Variants in PCDH11Y observed in about 807,000 individuals in gnomAD.
PCDH11Y encodes protocadherin-11 Y-linked.
For missense variants in PCDH11Y, 12 were observed against 224.8 expected (o/e 0.05, Z 6.05); for synonymous variants, 9 against 83.6 (o/e 0.11, Z 4.87).
At chrY:5,445,942 C>A (rs2124682244) in intron 2 of PCDH11Y, among the ~76,000 whole-genome samples, 1 of 33,309 alleles carries the variant, frequency 3.0e-5, no homozygotes, top group South Asian at 6.4e-4. Context: ...ACAAAGCCTT[C>A]TCTGATTAAT....
chrY:5,186,363 G>T, intron 2 of PCDH11Y, among the ~76,000 whole-genome samples: 1 of 27,494 alleles, frequency 3.6e-5, no homozygotes. Context: ...TTACAGTTGG[G>T]TATTAGTCTC....
chrY:5,310,555 G>A, intron 2 of PCDH11Y, among the ~76,000 whole-genome samples: 1 of 33,231 alleles, frequency 3.0e-5, no homozygotes, highest in Non-Finnish European at 7.4e-5. Context: ...ATTCACATTG[G>A]TTGCATGTTG....
At chrY:5,330,376 C>T in intron 2 of PCDH11Y, among the ~76,000 whole-genome samples, 5 of 33,492 alleles carry the variant, frequency 1.5e-4, no homozygotes, top group Admixed American at 1.1e-3. Context: ...CGGGCATATA[C>T]GTGCAGGTCA....
chrY:5,090,315 C>A (rs2052738495), intron 1 of PCDH11Y, among the ~76,000 whole-genome samples: 1 of 32,965 alleles, frequency 3.0e-5, no homozygotes, highest in Admixed American at 2.8e-4. Flanking sequence ...CTTAAAGGAC[C>A]TTTTTACAAG....
intron 2 of PCDH11Y, among the ~76,000 whole-genome samples, chrY:5,210,856 A>C: frequency 3.0e-5 from 1 of 33,488 alleles, no homozygotes; most frequent in African/African-American, 1.2e-4. Context: ...GTTAATAAAG[A>C]TTTAATTGAA....
intron 2 of PCDH11Y, among the ~76,000 whole-genome samples, chrY:5,449,991 C>T: frequency 3.0e-5 from 1 of 33,190 alleles, no homozygotes; most frequent in South Asian, 6.6e-4. Flanking sequence ...ATAGTGATCA[C>T]GATTTGACAG....
intron 2 of PCDH11Y, among the ~76,000 whole-genome samples, chrY:5,434,571 A>G: frequency 3.1e-5 from 1 of 31,816 alleles, no homozygotes; most frequent in Non-Finnish European, 7.6e-5. Flanking sequence ...ACACACACAC[A>G]CAAACACATA....
In PCDH11Y at chrY:5,634,031, A is replaced by G. The variant is rs1259395417; in HGVS notation, c.3352+52233A>G. ...AGATCGAGACCATCCTGGCTAACAC[A>G]GTGAAACCCCGTCTCTACTAAAAAT... On this transcript the variant is annotated intron_variant, in intron 4 of 4. Transcript: ENST00000400457. 1.7e-4 allele frequency among the ~76,000 whole-genome samples: 5 copies of G among 30,119 alleles called. No individual in the cohort carries two copies. In the East Asian group the frequency reaches 4.5e-3, roughly 27 times the overall value. 80.8% of individuals were successfully genotyped at this position (30,119 alleles called of 37,273 possible).
intron 2 of PCDH11Y, among the ~76,000 whole-genome samples, chrY:5,344,332 T>G: frequency 3.0e-5 from 1 of 33,725 alleles, no homozygotes; most frequent in African/African-American, 1.2e-4. Flanking sequence ...TATTTTTATT[T>G]TACACATTTA....
At chrY:5,178,609 G>T in intron 2 of PCDH11Y, among the ~76,000 whole-genome samples, 1 of 32,532 alleles carries the variant, frequency 3.1e-5, no homozygotes, top group Non-Finnish European at 7.5e-5. Flanking sequence ...ATCTTAGCAT[G>T]TATTTTTTTT....
intron 2 of PCDH11Y, among the ~76,000 whole-genome samples, chrY:5,183,125 T>C: frequency 3.0e-5 from 1 of 33,287 alleles, no homozygotes; most frequent in Non-Finnish European, 7.4e-5. Flanking sequence ...GCCCTGGTGG[T>C]GTGGGCTCAT....
intron 3 of PCDH11Y, among the ~76,000 whole-genome samples, chrY:5,569,563 A>G (rs2053437645): frequency 3.0e-5 from 1 of 33,627 alleles, no homozygotes; most frequent in Non-Finnish European, 7.4e-5. Context: ...AATTCTTTGT[A>G]CAACAGAGTA....
chrY:5,276,144 A>G (rs2124660128), intron 2 of PCDH11Y, among the ~76,000 whole-genome samples: 34 of 33,278 alleles, frequency 1.0e-3, no homozygotes, highest in African/African-American at 3.7e-3. Context: ...ACTAGTAACA[A>G]TATAGTGAAA....
At chrY:5,102,028 CT>C (rs2052780529), downstream of PCDH11Y, among the ~76,000 whole-genome samples, 1 of 33,086 alleles carries the variant, frequency 3.0e-5, no homozygotes, top group Non-Finnish European at 7.5e-5. Flanking sequence ...ACGTAAGGTA[CT>C]AATTCAGATG....
chrY:5,003,058 C>T lies in PCDH11Y; in HGVS notation c.-134+2453C>T. Among the ~76,000 whole-genome samples, 4 of 34,827 alleles carry T rather than the reference C, an allele frequency of 1.1e-4. No homozygotes were observed. The South Asian group carries it at 2.4e-3, about 21-fold the overall frequency. 93.4% of individuals were successfully genotyped at this position (34,827 alleles called of 37,273 possible). A position where few individuals can be genotyped will look rare whatever the true frequency, so the allele number is the denominator to read the frequency against. On this transcript the variant is annotated intron_variant, in intron 1 of 5. Coordinates refer to the PCDH11Y transcript ENST00000333703. ...CCCTGCGCGCAGCCGCCCTCGTGTC[C>T]CTTCGGCCCCTCCTGGGTCCTGGCT...
At chrY:5,696,010 T>G in intron 4 of PCDH11Y, among the ~76,000 whole-genome samples, 3 of 33,440 alleles carry the variant, frequency 9.0e-5, no homozygotes, top group Non-Finnish European at 1.5e-4. Context: ...TAAGGCTTAT[T>G]ATCTTTCTTT....
At chrY:5,244,781 G>C in intron 2 of PCDH11Y, among the ~76,000 whole-genome samples, 1 of 34,216 alleles carries the variant, frequency 2.9e-5, no homozygotes, top group Non-Finnish European at 7.3e-5. Context: ...GCTGTCTGCT[G>C]TCTAAGTCAT....
At chrY:5,096,772 C>T (rs2052751579) in intron 1 of PCDH11Y, among the ~76,000 whole-genome samples, 1 of 16,607 alleles carries the variant, frequency 6.0e-5, no homozygotes, top group Non-Finnish European at 1.2e-4. Context: ...GGCGCCATCT[C>T]GGCTCACTGC....
At chrY:5,704,664 C>G (rs2124712431) in intron 4 of PCDH11Y, among the ~76,000 whole-genome samples, 1 of 31,447 alleles carries the variant, frequency 3.2e-5, no homozygotes, top group South Asian at 7.2e-4. Flanking sequence ...CTCCTGACCT[C>G]ATGATCCACC....
Sources: allele counts gnomAD v4.1 joint callset (sites outside exome capture counted in the v4.1 genomes callset), GRCh38; gene constraint gnomAD v4.1.1; transcripts MANE v1.5; gene names NCBI Gene and HGNC (gene_info 2026-07-23, HGNC 2026-07-21).